KIT: variants seen among roughly 807,000 people sequenced by gnomAD.
KIT encodes KIT proto-oncogene, receptor tyrosine kinase.
In KIT, 16 loss-of-function variants were observed where a neutral mutation model predicts 105.7. The observed-to-expected ratio is 0.15, with a 90% CI of 0.10 to 0.23. The LOEUF is 0.23. KIT is among the 10% of genes least tolerant of loss of function. KIT has a pLI of 1.00. For synonymous variants in KIT, 438 were observed against 441.1 expected, an observed-to-expected ratio of 0.99 and a Z score of 0.09; for missense variants, 858 against 1,213.8, an observed-to-expected ratio of 0.71 and a Z score of 4.36.
chr4:54,659,979 T>G (rs1241845038), intron 1 of KIT, among the ~76,000 whole-genome samples: 12 of 152,134 alleles, frequency 7.9e-5, no homozygotes, highest in Admixed American at 7.9e-4. Flanking sequence ...CCAGGTTGCT[T>G]AGGGCAGGTT....
intron 1 of KIT, among the ~76,000 whole-genome samples, chr4:54,661,247 T>C (rs955281572): frequency 2.0e-5 from 3 of 152,184 alleles, no homozygotes; most frequent in South Asian, 4.1e-4. Flanking sequence ...TGAGAAATAA[T>C]GACAATCTAC....
intron 7 of KIT, among the ~76,000 whole-genome samples, chr4:54,716,312 G>A (rs965584248): frequency 9.9e-5 from 15 of 152,254 alleles, no homozygotes; most frequent in South Asian, 4.1e-4. Context: ...ACATAGCTTC[G>A]TTTGTGTGAA....
intron 6 of KIT, 72 bp downstream of exon 6, chr4:54,707,359 C>T: frequency 9.1e-7 from 1 of 1,099,390 alleles, no homozygotes; most frequent in South Asian, 1.3e-5. Context: ...GATCTTATTT[C>T]TGTAACCCGT....
chr4:54,707,081 T>A lies in KIT; in HGVS notation c.926-17T>A. ...TGTAGATAATGGTTTCTTTCTGTCT[T>A]ATTTCATTCTAATTAGATAAAGGAT... On this transcript the variant is annotated splice_polypyrimidine_tract_variant and intron_variant, in intron 5 of 20. Transcript: ENST00000288135. The A allele has an allele frequency of 7.2e-7, 1 of 1,386,688 alleles. No homozygotes were observed. The highest frequency in any genetic ancestry group is 1.2e-5 in the South Asian group (1 of 85,340). The allele number at this position is 1,386,688 out of a possible 1,614,324, so 85.9% of individuals were successfully genotyped here.
intron 1 of KIT, among the ~76,000 whole-genome samples, chr4:54,664,578 TTTTATTATTTATTTA>T (rs529498783): frequency 4.5e-4 from 63 of 138,916 alleles, no homozygotes; most frequent in African/African-American, 1.4e-3. Flanking sequence ...GAGAGTCTGT[TTTTATTATTTATTTA>T]TTTATTTATT....
chr4:54,689,628 A>G lies in KIT; in HGVS notation c.68-5884A>G, dbSNP rs115101305. On this transcript the variant is annotated intron_variant, in intron 1 of 20. Coordinates refer to ENST00000288135, the MANE Select transcript of KIT (RefSeq NM_000222.3). ...TAATAGAGGCCAGTGTGATCAGATA[A>G]AAAAGTGTCAAGATAGCTGAGGCAG... Among the ~76,000 whole-genome samples the G allele has an allele frequency of 2.0e-3, 306 of 152,306 alleles. 2 individuals are homozygous for G. Among genetic ancestry groups the G allele is most frequent in the African/African-American group, 6.9e-3 (287 of 41,570 alleles).
Position 54,727,289 on chromosome 4 carries a change from A to G in KIT, c.1612A>G (p.Ile538Val), listed in dbSNP as rs1560417124. Residue 538 changes from isoleucine to valine, a missense_variant, in exon 10 of 21, where the codon ATT (isoleucine) becomes GTT (valine). By Grantham distance (29) the Ile-to-Val change is conservative. Transcript: ENST00000288135. ...GFVIVAGMMC[I>V]IVMILTYKYL... ...CGTAATCGTAGCTGGCATGATGTGCATTATTGTGATGATTCTGACCTACAA... is the reference window on the plus strand; with the variant it reads ...CGTAATCGTAGCTGGCATGATGTGCGTTATTGTGATGATTCTGACCTACAA... 3.1e-6 allele frequency: 5 copies of G among 1,614,168 alleles called. No homozygotes were observed. In the East Asian group the frequency reaches 8.9e-5, roughly 29 times the overall value.
intron 1 of KIT, among the ~76,000 whole-genome samples, chr4:54,661,420 A>G (rs1196740084): frequency 6.6e-6 from 1 of 152,114 alleles, no homozygotes; most frequent in African/African-American, 2.4e-5. Context: ...GTTTTGACTC[A>G]TTTCCTCAAG....
Position 54,725,838 on chromosome 4 carries a change from TTTG to T in KIT, c.1347-16_1347-14del, listed in dbSNP as rs1164802482. 2 of 1,612,184 alleles carry T rather than the reference TTTG, an allele frequency of 1.2e-6. No individual in the cohort carries two copies. The highest frequency in any genetic ancestry group is 4.5e-5 in the East Asian group (2 of 44,838). On this transcript the variant is annotated splice_polypyrimidine_tract_variant and intron_variant, in intron 8 of 20. Transcript: ENST00000288135. ...TATTTTCCTAGAGTAAGCCAGGGCT[TTTG>T]TTTTCTTCCCTTTAGATGCTCTGCT... is the stretch of plus-strand genomic sequence containing the variant.
At position 54,738,429 on chromosome 4, in the gene KIT, A is replaced by T. The variant is rs2109818086; in HGVS notation, c.2803A>T (p.Ile935Phe). The change falls in exon 21 of 21, where the codon ATT becomes TTT. Residue 935 changes from isoleucine (I) to phenylalanine (F), a missense_variant and splice_region_variant. This residue lies in a region of KIT where 105 missense variants were observed against 103.5 expected (regional missense o/e 1.01). Transcript: ENST00000288135. The stretch of plus-strand genomic sequence containing the variant: ...TTGACTATGGGCTTGTTTTCTCCAG[A>T]TTTACTCCAACTTAGCAAACTGCAG... ...EKQISESTNH[I>F]YSNLANCSPN... The T allele has an allele frequency of 6.2e-7, 1 of 1,613,930 alleles. No homozygotes were observed. Among genetic ancestry groups the T allele is most frequent in the Non-Finnish European group, 8.5e-7 (1 of 1,179,958 alleles).
At chr4:54,695,486 C>T (rs775702081) in intron 1 of KIT, 26 bp from the exon 2 acceptor site, 1 of 1,613,594 alleles carries the variant, frequency 6.2e-7, no homozygotes, top group South Asian at 1.1e-5. Context: ...AGATCATACT[C>T]AACACGATTC....
At chr4:54,701,750 T>C (rs1043420127) in intron 4 of KIT, among the ~76,000 whole-genome samples, 2 of 152,206 alleles carry the variant, frequency 1.3e-5, no homozygotes, top group Admixed American at 6.5e-5. Flanking sequence ...ATTGAGACTT[T>C]GATATGTTAT....
chr4:54,708,780 G>A (rs1038470419), intron 6 of KIT, among the ~76,000 whole-genome samples: 1 of 152,118 alleles, frequency 6.6e-6, no homozygotes, highest in Non-Finnish European at 1.5e-5. Flanking sequence ...GTCGTGGACT[G>A]CCCAGGGTGA....
chr4:54,707,564 GC>G (rs1217769072), intron 6 of KIT, among the ~76,000 whole-genome samples: 1 of 152,126 alleles, frequency 6.6e-6, no homozygotes, highest in Admixed American at 6.5e-5. Flanking sequence ...TTAGCTCAAA[GC>G]AGTAACTTTC....
chr4:54,713,808 T>A (rs917052492), intron 7 of KIT, among the ~76,000 whole-genome samples: 1 of 152,234 alleles, frequency 6.6e-6, no homozygotes, highest in African/African-American at 2.4e-5. Context: ...CTCTGACAAT[T>A]TGTGTTAAGA....
intron 1 of KIT, among the ~76,000 whole-genome samples, chr4:54,661,099 G>C (rs1447035344): frequency 6.6e-6 from 1 of 152,124 alleles, no homozygotes; most frequent in Non-Finnish European, 1.5e-5. Context: ...AAGGTAAGCT[G>C]TTTCTAAAAG....
At chr4:54,672,174 C>T (rs927064507) in intron 1 of KIT, among the ~76,000 whole-genome samples, 9 of 152,176 alleles carry the variant, frequency 5.9e-5, no homozygotes, top group African/African-American at 1.7e-4. Context: ...GTGTTAGCCC[C>T]GTTTTGGTTA....
intron 1 of KIT, among the ~76,000 whole-genome samples, chr4:54,673,852 CT>C (rs1387153750): frequency 1.3e-5 from 2 of 152,168 alleles, no homozygotes; most frequent in Non-Finnish European, 2.9e-5. Flanking sequence ...CAGAGTCTTG[CT>C]CTGCCTCCCT....
intron 1 of KIT, among the ~76,000 whole-genome samples, chr4:54,694,443 C>G (rs146228840): frequency 6.6e-6 from 1 of 152,162 alleles, no homozygotes; most frequent in South Asian, 2.1e-4. Flanking sequence ...CCTCAACCTC[C>G]TGGGCTTAAG....
Sources: gnomAD v4.1 joint callset for allele counts (sites outside exome capture counted in the v4.1 genomes callset) on GRCh38, gnomAD v4.1.1 for gene constraint, gnomAD v4.1.1 regional missense constraint, MANE v1.5 for transcripts, NCBI Gene and HGNC (gene_info 2026-07-23, HGNC 2026-07-21) for gene names.